Variants in LPP observed in about 807,000 individuals in gnomAD.
The protein encoded by LPP is lipoma-preferred partner.
LPP carries 38 observed loss-of-function variants against 60.4 expected under a neutral mutation model. The ratio of observed to expected loss-of-function variants is 0.63; its 90% CI spans 0.49 to 0.83. The LOEUF is 0.83. LPP is among the 40% of genes least tolerant of loss of function. LPP has a pLI of 0.00. For missense variants in LPP, 902 were observed against 783.6 expected, an observed-to-expected ratio of 1.15 and a Z score of -1.80; for synonymous variants, 328 against 290.8, an observed-to-expected ratio of 1.13 and a Z score of -1.30.
At chr3:188,778,287 G>A (rs1054210700) in intron 9 of LPP, among the ~76,000 whole-genome samples, 2 of 152,072 alleles carry the variant, frequency 1.3e-5, no homozygotes, top group African/African-American at 4.8e-5. Context: ...CCTACATTCT[G>A]TATTGCTTTA....
intron 2 of LPP, among the ~76,000 whole-genome samples, chr3:188,248,208 T>C (rs1727703525): frequency 6.6e-6 from 1 of 151,984 alleles, no homozygotes; most frequent in African/African-American, 2.4e-5. Context: ...TAATGGAAAC[T>C]CTTGAAAAGG....
chr3:188,181,789 A>G (rs2148907924), intron 1 of LPP, among the ~76,000 whole-genome samples: 1 of 152,336 alleles, frequency 6.6e-6, no homozygotes, highest in African/African-American at 2.4e-5. Flanking sequence ...TGGCATGAGC[A>G]TAGCTCACTG....
At chr3:188,715,376 CAAAAAAAAAAAAA>C (rs35761284) in intron 8 of LPP, among the ~76,000 whole-genome samples, 826 of 63,748 alleles carry the variant, frequency 0.013, 7 homozygotes, top group South Asian at 0.019. Flanking sequence ...GACTCCGTCT[CAAAAAAAAAAAAA>C]AAAAAAAAAA....
intron 4 of LPP, among the ~76,000 whole-genome samples, chr3:188,426,857 G>A (rs1267155515): frequency 6.6e-6 from 1 of 152,100 alleles, no homozygotes; most frequent in East Asian, 1.9e-4. Flanking sequence ...TTGCATGTGA[G>A]ATGGATCTCT....
chr3:188,605,191 G>A (rs1842160673), intron 6 of LPP, among the ~76,000 whole-genome samples: 1 of 152,162 alleles, frequency 6.6e-6, no homozygotes, highest in Admixed American at 6.6e-5. Flanking sequence ...AACAGTCGTG[G>A]ACATTGGGAG....
chr3:188,466,385 T>C (rs897553019), intron 4 of LPP, among the ~76,000 whole-genome samples: 32 of 152,206 alleles, frequency 2.1e-4, no homozygotes, highest in African/African-American at 7.0e-4. Flanking sequence ...CTTAGTCTCT[T>C]ATTGCCATTA....
At chr3:188,687,987 A>G (rs1560066934) in intron 7 of LPP, among the ~76,000 whole-genome samples, 1 of 151,940 alleles carries the variant, frequency 6.6e-6, no homozygotes, top group Non-Finnish European at 1.5e-5. Flanking sequence ...ACGTTATCTT[A>G]TTCTTAACAG....
intron 7 of LPP, among the ~76,000 whole-genome samples, chr3:188,625,710 A>G (rs2151636807): frequency 6.6e-6 from 1 of 152,288 alleles, no homozygotes; most frequent in African/African-American, 2.4e-5. Context: ...ATAAACATGA[A>G]ATTCATTAAA....
At chr3:188,308,015 T>G (rs1239726500) in intron 2 of LPP, among the ~76,000 whole-genome samples, 1 of 152,120 alleles carries the variant, frequency 6.6e-6, no homozygotes, top group Non-Finnish European at 1.5e-5. Context: ...TTGGACACGA[T>G]TTTTAGTGAC....
chr3:188,484,553 A>C (rs751018482), intron 4 of LPP, 39 bp from the exon 5 acceptor site: 1 of 1,415,688 alleles, frequency 7.1e-7, no homozygotes, highest in Non-Finnish European at 1.0e-6. Context: ...ATAACGTTGC[A>C]TCCTTATTAA....
At chr3:188,172,512 A>T (rs1490092870) in intron 1 of LPP, among the ~76,000 whole-genome samples, 2 of 152,246 alleles carry the variant, frequency 1.3e-5, no homozygotes, top group Non-Finnish European at 2.9e-5. Flanking sequence ...TAAGTCACAA[A>T]ATGGCGATTT....
Position 188,610,354 on chromosome 3 carries a change from G to A in LPP, c.1113+510G>A, listed in dbSNP as rs554692168. Among the ~76,000 whole-genome samples the A allele has an allele frequency of 4.3e-4, 66 of 152,272 alleles. No homozygotes were observed. The highest frequency in any genetic ancestry group is 7.1e-4 in the Non-Finnish European group (48 of 68,022). On this transcript the variant is annotated intron_variant, in intron 7 of 11. Coordinates refer to ENST00000617246, the MANE Select transcript of LPP (RefSeq NM_001375462.1). This position sits in a 1 kb window ranked among gnomAD's most constrained non-coding sequence, Gnocchi z 4.4. The stretch of plus-strand genomic sequence containing the variant: ...CCCTGTGAAGGCGATTATAACTCCC[G>A]CAATGTTGGTACCACAGCGGTTGCT...
At chr3:188,189,896 G>A (rs1727668028) in intron 1 of LPP, among the ~76,000 whole-genome samples, 2 of 152,010 alleles carry the variant, frequency 1.3e-5, no homozygotes, top group African/African-American at 2.4e-5. Context: ...GAAGAGGGGT[G>A]ATTGATGAGA....
At chr3:188,382,083 C>T (rs1578484463) in intron 3 of LPP, among the ~76,000 whole-genome samples, 3 of 152,176 alleles carry the variant, frequency 2.0e-5, no homozygotes, top group Admixed American at 2.0e-4. Flanking sequence ...CCATCATGTT[C>T]AGCCAGGGAA....
chr3:188,360,276 A>T (rs1253771438), intron 3 of LPP, among the ~76,000 whole-genome samples: 1 of 152,076 alleles, frequency 6.6e-6, no homozygotes, highest in Non-Finnish European at 1.5e-5. Flanking sequence ...TTTGTATTGC[A>T]CTCCCAGATG....
At chr3:188,291,283 G>T (rs1031589139) in intron 2 of LPP, among the ~76,000 whole-genome samples, 2 of 152,002 alleles carry the variant, frequency 1.3e-5, no homozygotes, top group African/African-American at 4.8e-5. Context: ...TGTTTCTTTG[G>T]CTTATTCAAA....
At chr3:188,846,268 G>A (rs1340411274) in intron 9 of LPP, among the ~76,000 whole-genome samples, 1 of 152,214 alleles carries the variant, frequency 6.6e-6, no homozygotes, top group Non-Finnish European at 1.5e-5. Context: ...TGCCAGAGAA[G>A]GACTAATTCA....
At chr3:188,691,592 T>C (rs1219734717) in intron 7 of LPP, among the ~76,000 whole-genome samples, 1 of 152,222 alleles carries the variant, frequency 6.6e-6, no homozygotes, top group Non-Finnish European at 1.5e-5. Context: ...GGTTTATTTG[T>C]TGCAAGAAAC....
At chr3:188,624,809 T>TC (rs1560662459) in intron 7 of LPP, among the ~76,000 whole-genome samples, 4 of 146,408 alleles carry the variant, frequency 2.7e-5, no homozygotes, top group Admixed American at 2.1e-4. Context: ...CTTCCTTCCT[T>TC]CTCTCTCTTT....
Sources: allele counts gnomAD v4.1 joint callset (sites outside exome capture counted in the v4.1 genomes callset), GRCh38; gene constraint gnomAD v4.1.1; non-coding constraint Gnocchi (gnomAD v3.1); transcripts MANE v1.5; gene names NCBI Gene and HGNC (gene_info 2026-07-23, HGNC 2026-07-21).